The following LNX2 variants were observed in gnomAD, a reference collection of about 807,000 sequenced individuals.
LNX2 encodes ligand of Numb protein X 2.
In LNX2, 35 loss-of-function variants were observed where a neutral mutation model predicts 66.2. That is an observed-to-expected ratio of 0.53 (90% CI 0.40 to 0.70). The LOEUF is 0.70. Ranked by LOEUF, LNX2 falls within the 30% of genes least tolerant of loss-of-function variation. The probability of loss-of-function intolerance (pLI) is 0.00; values close to 1 mark genes in which losing one functional copy is unlikely to be tolerated. For missense variants in LNX2, 791 were observed against 850.8 expected (o/e 0.93, Z 0.87); for synonymous variants, 337 against 315.6 (o/e 1.07, Z -0.72).
At chr13:27,575,884 A>G (rs1955335700) in intron 2 of LNX2, among the ~76,000 whole-genome samples, 2 of 152,242 alleles carry the variant, frequency 1.3e-5, no homozygotes, top group African/African-American at 4.8e-5. Flanking sequence ...TTAAAATAGC[A>G]TATTAAAAAT....
intron 9 of LNX2, among the ~76,000 whole-genome samples, chr13:27,549,862 G>A (rs1344227534): frequency 3.3e-5 from 5 of 152,224 alleles, no homozygotes; most frequent in Non-Finnish European, 5.9e-5. Flanking sequence ...TGAGTGCTAT[G>A]GAGAAAAATG....
intron 6 of LNX2, among the ~76,000 whole-genome samples, chr13:27,557,413 A>G (rs766611481): frequency 2.9e-4 from 44 of 152,034 alleles, no homozygotes; most frequent in Non-Finnish European, 5.2e-4. Context: ...AGTATTTTGT[A>G]TATGTTTATA....
At chr13:27,588,544 G>A (rs1330822343) in intron 1 of LNX2, among the ~76,000 whole-genome samples, 2 of 152,134 alleles carry the variant, frequency 1.3e-5, no homozygotes, top group African/African-American at 4.8e-5. Flanking sequence ...CAACACAAGG[G>A]GTTATGTGAC....
chr13:27,613,650 C>A (rs1038288601), intron 1 of LNX2, among the ~76,000 whole-genome samples: 2 of 152,054 alleles, frequency 1.3e-5, no homozygotes, highest in African/African-American at 4.8e-5. Flanking sequence ...TGCTTGTAAT[C>A]CCAGCTATTG....
chr13:27,577,274 CA>C, intron 2 of LNX2, among the ~76,000 whole-genome samples: 1 of 152,072 alleles, frequency 6.6e-6, no homozygotes. Context: ...ACATGATTTG[CA>C]AATACATATA....
chr13:27,567,326 T>C (rs1427610272), intron 4 of LNX2, among the ~76,000 whole-genome samples: 1 of 152,022 alleles, frequency 6.6e-6, no homozygotes, highest in Non-Finnish European at 1.5e-5. Context: ...AAGGTGACCC[T>C]TGAACAGTCA....
intron 1 of LNX2, among the ~76,000 whole-genome samples, chr13:27,582,849 A>T (rs1955416630): frequency 6.6e-6 from 1 of 152,080 alleles, no homozygotes. Context: ...AATGTAACAA[A>T]CCTGCACGTT....
upstream of LNX2, chr13:27,621,043 G>A (rs1424990992): frequency 6.5e-6 from 1 of 153,274 alleles, no homozygotes; most frequent in African/African-American, 2.4e-5. Flanking sequence ...GCGCACCTGA[G>A]GGAGCACAGC....
chr13:27,589,388 T>C (rs550661985), intron 1 of LNX2, among the ~76,000 whole-genome samples: 20 of 152,228 alleles, frequency 1.3e-4, no homozygotes, highest in African/African-American at 4.8e-4. Context: ...ACAGAGGGAG[T>C]TTGAATTTAT....
At chr13:27,598,562 T>C (rs1403441431) in intron 1 of LNX2, among the ~76,000 whole-genome samples, 1 of 152,132 alleles carries the variant, frequency 6.6e-6, no homozygotes, top group East Asian at 1.9e-4. Flanking sequence ...GGATGGAGAA[T>C]TAACAGATTT....
At chr13:27,565,215 C>T (rs1053034664) in intron 4 of LNX2, among the ~76,000 whole-genome samples, 1 of 152,034 alleles carries the variant, frequency 6.6e-6, no homozygotes, top group African/African-American at 2.4e-5. Flanking sequence ...TGTTAATGAA[C>T]CATTCTCTAA....
chr13:27,591,096 G>A (rs9512757), intron 1 of LNX2, among the ~76,000 whole-genome samples: 14,888 of 152,042 alleles, frequency 0.098, 1,007 homozygotes, highest in Non-Finnish European at 0.14. Context: ...CTTTCTCAAG[G>A]CCAGACTAAA....
intron 5 of LNX2, 147 bp from the exon 6 acceptor site, chr13:27,560,132 G>T: frequency 1.8e-6 from 1 of 548,598 alleles, no homozygotes; most frequent in Non-Finnish European, 3.0e-6. Context: ...GTGGCAAGAG[G>T]AATGAGTTCA....
intron 1 of LNX2, among the ~76,000 whole-genome samples, chr13:27,605,592 T>C (rs1027507841): frequency 2.6e-5 from 4 of 152,244 alleles, no homozygotes; most frequent in Non-Finnish European, 5.9e-5. Flanking sequence ...CAAAGAAGTC[T>C]GGTTTCCAAT....
rs1030792190 is a variant in LNX2, at chr13:27,547,230, C to T, written c.*1105G>A. On this transcript the variant is annotated 3_prime_UTR_variant, in exon 10 of 10. Coordinates refer to ENST00000316334, the MANE Select transcript of LNX2 (RefSeq NM_153371.4). Reference sequence around the variant, plus strand: ...AAGATTACTGCTAAGAATAACACAACTCTAGAAATAATTTTTTAGCAAAAA... The same window carrying T: ...AAGATTACTGCTAAGAATAACACAATTCTAGAAATAATTTTTTAGCAAAAA... 6.6e-6 allele frequency: 1 copy of T among 152,148 alleles called. No homozygotes were observed. The highest frequency in any genetic ancestry group is 2.4e-5 in the African/African-American group (1 of 41,440). 9.4% of individuals were successfully genotyped at this position (152,148 alleles called of 1,614,324 possible).
rs889612512 is a variant in LNX2 at position 27,547,999 on chromosome 13, C to T, written c.*336G>A. ...CAGAACTCGTTCTATGATTCAGTTA[C>T]TGAAAACAAAGACCCACCAGAAGGT... On this transcript the variant is annotated 3_prime_UTR_variant, in exon 10 of 10. Coordinates refer to ENST00000316334, the MANE Select transcript of LNX2 (RefSeq NM_153371.4). The T allele has an allele frequency of 2.0e-5, 5 of 255,982 alleles. No individual in the cohort carries two copies. Among genetic ancestry groups the T allele is most frequent in the African/African-American group, 8.9e-5 (4 of 44,820 alleles). The allele number at this position is 255,982 out of a possible 1,614,324, so 15.9% of individuals were successfully genotyped here.
intron 6 of LNX2, among the ~76,000 whole-genome samples, chr13:27,559,447 G>A (rs1955101830): frequency 6.6e-6 from 1 of 152,100 alleles, no homozygotes; most frequent in African/African-American, 2.4e-5. Context: ...CAATTATTAA[G>A]CATAGATTTG....
chr13:27,620,570 G>A (rs928625226), upstream of LNX2, among the ~76,000 whole-genome samples: 9 of 152,120 alleles, frequency 5.9e-5, no homozygotes, highest in African/African-American at 2.2e-4. Flanking sequence ...CTTCTCAACC[G>A]CCCCTGCTGC....
intron 6 of LNX2, among the ~76,000 whole-genome samples, chr13:27,558,556 CAT>C (rs1955091435): frequency 1.3e-5 from 2 of 151,946 alleles, no homozygotes; most frequent in South Asian, 4.1e-4. Context: ...AATTCAATAA[CAT>C]AAAAGATTCA....
Sources: gnomAD v4.1 joint callset for allele counts (sites outside exome capture counted in the v4.1 genomes callset) on GRCh38, gnomAD v4.1.1 for gene constraint, MANE v1.5 for transcripts, NCBI Gene and HGNC (gene_info 2026-07-23, HGNC 2026-07-21) for gene names.